OTOGL: variants seen among roughly 807,000 people sequenced by gnomAD.
OTOGL encodes otogelin like, also known as otogelin-like protein.
In OTOGL, 285 loss-of-function variants were observed where a neutral mutation model predicts 318.5. That is an observed-to-expected ratio of 0.89 (90% CI 0.81 to 0.99). The LOEUF is 0.99. Among genes scored for constraint, OTOGL ranks in the 50% least tolerant of loss-of-function variants. The pLI is 0.00. For synonymous variants in OTOGL, 987 were observed against 936.5 expected (o/e 1.05, Z -0.99); for missense variants, 2,899 against 2,845.6 (o/e 1.02, Z -0.43).
At chr12:80,336,602 C>A in intron 40 of OTOGL, 47 bp downstream of exon 40, 3 of 1,553,600 alleles carry the variant, frequency 1.9e-6, no homozygotes, top group Non-Finnish European at 1.8e-6. Context: ...AAATCTATAG[C>A]TAATGTCTAT....
chr12:80,267,634 C>A lies in OTOGL; in HGVS notation c.2465+307C>A, dbSNP rs918588684. On this transcript the variant is annotated intron_variant, in intron 22 of 58. Coordinates refer to ENST00000547103, the MANE Select transcript of OTOGL (RefSeq NM_001378609.3). ...CCAAGTGTTCTCATTGTTCAATTCC[C>A]ACTTATGAGTGAGAACATGCAGTGT... Among the ~76,000 whole-genome samples the A allele has an allele frequency of 1.2e-4, 18 of 145,154 alleles. No individual in the cohort carries two copies. The South Asian group carries it at 4.0e-3, about 32-fold the overall frequency.
chr12:80,264,857 C>A (rs1882821939), intron 19 of OTOGL, 144 bp from the exon 20 acceptor site: 6 of 864,086 alleles, frequency 6.9e-6, no homozygotes, highest in East Asian at 2.5e-5. Flanking sequence ...ATAAAAAAAA[C>A]AAAAACTGTA....
At chr12:80,177,841 A>T (rs576235868) in intron 1 of OTOGL, among the ~76,000 whole-genome samples, 1 of 152,242 alleles carries the variant, frequency 6.6e-6, no homozygotes, top group South Asian at 2.1e-4. Flanking sequence ...TGTTAGGATG[A>T]ATCAGAGCAA....
chr12:80,344,553 T>C (rs1381560437), intron 44 of OTOGL, among the ~76,000 whole-genome samples: 1 of 152,140 alleles, frequency 6.6e-6, no homozygotes, highest in Non-Finnish European at 1.5e-5. Flanking sequence ...TTGTTTATTG[T>C]AGAAACGTAA....
In OTOGL at chr12:80,100,906, T is replaced by C. The variant is rs571322982; in HGVS notation, c.-20+1301T>C. Among the ~76,000 whole-genome samples, 63 of 152,320 alleles carry C rather than the reference T, an allele frequency of 4.1e-4. No individual in the cohort carries two copies. The South Asian group carries it at 4.4e-3, about 11-fold the overall frequency. Reference sequence around the variant, plus strand: ...AAATGGAGAAAATGCTAGTACATTTTAACAAAATTCTTTGCAGTTGTCAAG... The same window carrying C: ...AAATGGAGAAAATGCTAGTACATTTCAACAAAATTCTTTGCAGTTGTCAAG... On this transcript the variant is annotated intron_variant, in intron 1 of 58. Transcript: ENST00000547103.
intron 19 of OTOGL, 121 bp from the exon 20 acceptor site, chr12:80,264,880 G>T (rs1023777523): frequency 2.0e-6 from 2 of 1,019,632 alleles, no homozygotes; most frequent in African/African-American, 1.6e-5. Context: ...AGCTGAAATT[G>T]TTCACTCTTG....
intron 35 of OTOGL, 83 bp downstream of exon 35, chr12:80,323,923 A>G (rs865793406): frequency 1.1e-5 from 12 of 1,068,814 alleles, no homozygotes; most frequent in Middle Eastern, 2.0e-4. Flanking sequence ...GATTTTAAAA[A>G]CAGCCATTCT....
Position 80,336,402 on chromosome 12 carries a change from C to A in OTOGL, c.4601-11C>A, listed in dbSNP as rs1319998405. The A allele has an allele frequency of 6.4e-7, 1 of 1,573,790 alleles. No homozygotes were observed. Among genetic ancestry groups the A allele is most frequent in the Admixed American group, 1.9e-5 (1 of 52,082 alleles). ...TTAATAGACTAAATCCACTTTCCAC[C>A]ATTTTTATAGGTCGGTGTTCCATGT... On this transcript the variant is annotated splice_polypyrimidine_tract_variant and intron_variant, in intron 39 of 58. Transcript: ENST00000547103.
At chr12:80,130,296 G>A (rs1252129440) in intron 1 of OTOGL, among the ~76,000 whole-genome samples, 1 of 152,202 alleles carries the variant, frequency 6.6e-6, no homozygotes, top group Non-Finnish European at 1.5e-5. Context: ...AATTGTTCCA[G>A]CAAAGATGCA....
At chr12:80,372,106 T>G in intron 57 of OTOGL, 42 bp downstream of exon 57, 1 of 1,356,224 alleles carries the variant, frequency 7.4e-7, no homozygotes, top group Non-Finnish European at 1.0e-6. Context: ...GATAGATTAG[T>G]TTTAATTGCT....
At chr12:80,201,898 G>A (rs1876483732) in intron 1 of OTOGL, among the ~76,000 whole-genome samples, 2 of 152,190 alleles carry the variant, frequency 1.3e-5, no homozygotes, top group Admixed American at 1.3e-4. Context: ...GGCAATGAAT[G>A]AAGAACTGGG....
chr12:80,188,930 T>C (rs868442621), intron 1 of OTOGL, among the ~76,000 whole-genome samples: 5 of 152,346 alleles, frequency 3.3e-5, no homozygotes, highest in Middle Eastern at 3.4e-3. Flanking sequence ...GCCATGTCTC[T>C]CCCTTCAGGT....
intron 23 of OTOGL, among the ~76,000 whole-genome samples, chr12:80,271,372 A>G (rs1480925862): frequency 1.3e-5 from 2 of 152,132 alleles, no homozygotes; most frequent in East Asian, 3.9e-4. Flanking sequence ...TCGTGTGTTC[A>G]TTGTAGCTTT....
chr12:80,139,284 C>A (rs889576462), intron 1 of OTOGL, among the ~76,000 whole-genome samples: 1 of 152,132 alleles, frequency 6.6e-6, no homozygotes, highest in Admixed American at 6.6e-5. Flanking sequence ...ACTAAGTTAG[C>A]TGTCCTAATT....
intron 4 of OTOGL, among the ~76,000 whole-genome samples, chr12:80,216,584 A>G (rs964226912): frequency 3.3e-5 from 5 of 152,022 alleles, no homozygotes; most frequent in African/African-American, 1.2e-4. Context: ...CTTTTTTGCT[A>G]ATTTTCTGTG....
At chr12:80,305,247 A>G (rs1410723998) in intron 28 of OTOGL, among the ~76,000 whole-genome samples, 1 of 152,208 alleles carries the variant, frequency 6.6e-6, no homozygotes, top group Non-Finnish European at 1.5e-5. Context: ...ATACATTTGC[A>G]TACACATACA....
chr12:80,190,786 C>CAAAAA (rs55950528), intron 1 of OTOGL, among the ~76,000 whole-genome samples: 24 of 73,662 alleles, frequency 3.3e-4, no homozygotes, highest in African/African-American at 1.2e-3. Flanking sequence ...GACTCCGTCT[C>CAAAAA]AAAAAAAAAA....
intron 1 of OTOGL, among the ~76,000 whole-genome samples, chr12:80,181,261 G>T (rs911363686): frequency 2.0e-5 from 3 of 152,016 alleles, no homozygotes; most frequent in African/African-American, 4.8e-5. Flanking sequence ...GGGTCCAATT[G>T]TGGGCCTGTG....
chr12:80,137,927 G>A (rs2137134009), intron 1 of OTOGL, among the ~76,000 whole-genome samples: 1 of 152,184 alleles, frequency 6.6e-6, no homozygotes, highest in Admixed American at 6.5e-5. Context: ...GTATCACTTT[G>A]GAGTCTCCTA....
Sources: allele counts gnomAD v4.1 joint callset (sites outside exome capture counted in the v4.1 genomes callset), GRCh38; gene constraint gnomAD v4.1.1; transcripts MANE v1.5; gene names NCBI Gene and HGNC (gene_info 2026-07-23, HGNC 2026-07-21).